The following SHROOM3 variants were observed in gnomAD, a reference collection of about 807,000 sequenced individuals.
The protein encoded by SHROOM3 is shroom family member 3, also known as protein Shroom3.
A neutral mutation model predicts 138.6 loss-of-function variants in SHROOM3; 47 were observed. The ratio of observed to expected loss-of-function variants is 0.34; its 90% confidence interval spans 0.27 to 0.43. The LOEUF is 0.43. SHROOM3 is among the 20% of genes least tolerant of loss of function. The pLI is 1.00. For synonymous variants in SHROOM3, 1,062 were observed against 1,063.3 expected, an observed-to-expected ratio of 1.00 and a Z score of 0.02; for missense variants, 2,491 against 2,596.5, an observed-to-expected ratio of 0.96 and a Z score of 0.88.
At chr4:76,728,742 A>AC (rs1349338426) in intron 3 of SHROOM3, among the ~76,000 whole-genome samples, 2 of 151,526 alleles carry the variant, frequency 1.3e-5, no homozygotes, top group African/African-American at 4.9e-5. Context: ...GCCTATGTTT[A>AC]CCCCCGTGAT....
At chr4:76,487,545 T>G (rs1731758016) in intron 1 of SHROOM3, among the ~76,000 whole-genome samples, 1 of 152,202 alleles carries the variant, frequency 6.6e-6, no homozygotes, top group Non-Finnish European at 1.5e-5. Flanking sequence ...GTCATCTTAT[T>G]AATGGTATAT....
chr4:76,647,968 C>A (rs1234846841), intron 2 of SHROOM3, among the ~76,000 whole-genome samples: 1 of 152,102 alleles, frequency 6.6e-6, no homozygotes, highest in Admixed American at 6.5e-5. Flanking sequence ...TAGTATCTTT[C>A]TTACATATCA....
In SHROOM3 at chr4:76,461,641, T is replaced by G. The variant is rs183606597; in HGVS notation, c.168+25421T>G. Among the ~76,000 whole-genome samples the G allele has an allele frequency of 1.6e-3, 237 of 152,344 alleles. 2 individuals are homozygous for G. The highest frequency in any genetic ancestry group is 2.4e-3 in the Non-Finnish European group (165 of 68,026). ...GAATATGACAGTGCAGGAGTTGACA[T>G]AGTTCTGAGACAGCAGTGTGAAGGT... On this transcript the variant is annotated intron_variant, in intron 1 of 10. Transcript: ENST00000296043.
chr4:76,781,164 T>C lies in SHROOM3; in HGVS notation c.*1987T>C, dbSNP rs1214092554. 2 of 152,210 alleles carry C rather than the reference T, an allele frequency of 1.3e-5. No individual in the cohort carries two copies. The highest frequency in any genetic ancestry group is 4.8e-5 in the African/African-American group (2 of 41,458). The allele number at this position is 152,210 out of a possible 1,614,324, so 9.4% of individuals were successfully genotyped here. A position where few individuals can be genotyped will look rare whatever the true frequency, so the allele number is the denominator to read the frequency against. On this transcript the variant is annotated 3_prime_UTR_variant, in exon 11 of 11. Transcript: ENST00000296043. Reference sequence around the variant, plus strand: ...TTCTTGAGAAAGGGTCTTACTATGTTGCCCAGGCTGGAGTGCAGAGTGGTG... The same window carrying C: ...TTCTTGAGAAAGGGTCTTACTATGTCGCCCAGGCTGGAGTGCAGAGTGGTG...
rs1431100973 is a variant in SHROOM3, at chr4:76,738,877, G to A, written c.704G>A (p.Cys235Tyr). 1 of 1,614,236 alleles carries A rather than the reference G, an allele frequency of 6.2e-7. No individual in the cohort carries two copies. The highest frequency in any genetic ancestry group is 1.6e-4 in the Middle Eastern group (1 of 6,062). ...GAGCCCAGTGGGGCATACCCACCCT[G>A]TCATCTTTCCCCTGCCAAGTCCACC... ...SLEPSGAYPP[C>Y]HLSPAKSTGS... The change falls in exon 5 of 11, where the codon TGT becomes TAT. Residue 235 changes from cysteine (C) to tyrosine (Y), a missense_variant. Physicochemically the swap from Cys to Tyr is radical, Grantham distance 194. Coordinates refer to ENST00000296043, the MANE Select transcript of SHROOM3 (RefSeq NM_020859.4).
chr4:76,738,986 G>A lies in SHROOM3; in HGVS notation c.813G>A (p.Glu271=). 6.2e-7 allele frequency: 1 copy of A among 1,614,176 alleles called. No individual in the cohort carries two copies. Among genetic ancestry groups the A allele is most frequent in the South Asian group, 1.1e-5 (1 of 91,078 alleles). ...TCTCCACCAGTTCTAGCATCCTAGA[G>A]TATCCACACCCTGGCATCTCTGGCC... ...SSFSTSSSIL[E]YPHPGISGRE... Residue 271 remains glutamate, a synonymous_variant, in exon 5 of 11, where the codon GAG becomes GAA. Coordinates refer to ENST00000296043, the MANE Select transcript of SHROOM3 (RefSeq NM_020859.4).
intron 1 of SHROOM3, among the ~76,000 whole-genome samples, chr4:76,497,910 G>A (rs1732002709): frequency 6.6e-6 from 1 of 152,076 alleles, no homozygotes; most frequent in Non-Finnish European, 1.5e-5. Context: ...ATAAAAATCA[G>A]GAAAGAGGTC....
At chr4:76,500,546 T>C (rs1732068385) in intron 1 of SHROOM3, among the ~76,000 whole-genome samples, 1 of 152,158 alleles carries the variant, frequency 6.6e-6, no homozygotes, top group African/African-American at 2.4e-5. Context: ...TTTCCCAAAG[T>C]GGTTATACCA....
chr4:76,521,351 A>T (rs10002311), intron 1 of SHROOM3, among the ~76,000 whole-genome samples: 1 of 152,132 alleles, frequency 6.6e-6, no homozygotes, highest in East Asian at 1.9e-4. Context: ...GACAATTTTC[A>T]GAATTATTTT....
Position 76,739,696 on chromosome 4 carries a change from G to C in SHROOM3, c.1523G>C (p.Cys508Ser), listed in dbSNP as rs775084797. 1 of 1,614,190 alleles carries C rather than the reference G, an allele frequency of 6.2e-7. No homozygotes were observed. Among genetic ancestry groups the C allele is most frequent in the South Asian group, 1.1e-5 (1 of 91,086 alleles). The change falls in exon 5 of 11, where the codon TGC (cysteine) becomes TCC (serine). Residue 508 changes from cysteine to serine, a missense_variant. Cys to Ser is a moderately radical substitution (Grantham distance 112). Coordinates refer to ENST00000296043, the MANE Select transcript of SHROOM3 (RefSeq NM_020859.4). ...ESGYIAPQGA[C>S]NKMATIDENG... Reference sequence around the variant, plus strand: ...GGATACATAGCCCCTCAGGGAGCATGCAACAAGATGGCTACCATTGATGAG... The same window carrying C: ...GGATACATAGCCCCTCAGGGAGCATCCAACAAGATGGCTACCATTGATGAG...
intron 1 of SHROOM3, among the ~76,000 whole-genome samples, chr4:76,544,138 G>A (rs901983602): frequency 2.6e-5 from 4 of 152,100 alleles, no homozygotes; most frequent in East Asian, 1.9e-4. Context: ...ACTATAGTAC[G>A]TTCCAGGTAG....
Position 76,741,695 on chromosome 4 carries a change from C to T in SHROOM3, c.3522C>T (p.Phe1174=). The T allele has an allele frequency of 6.4e-7, 1 of 1,551,292 alleles. No individual in the cohort carries two copies. The highest frequency in any genetic ancestry group is 1.9e-5 in the Admixed American group (1 of 51,710). Residue 1174 remains phenylalanine (F), a synonymous_variant, in exon 5 of 11, where the codon TTC becomes TTT. Coordinates refer to ENST00000296043, the MANE Select transcript of SHROOM3 (RefSeq NM_020859.4). This position sits in a 1 kb window ranked among gnomAD's most constrained non-coding sequence, Gnocchi z 6.2. ...CTCCCCGAGATCGCAGCAGCTCCTT[C>T]GCCGGTGGCCGCCGCCTCGGGGAAC... ...QQAPRDRSSS[F]AGGRRLGERR... is the part of the protein sequence containing the mutation.
At chr4:76,673,350 A>G (rs1718941198) in intron 2 of SHROOM3, among the ~76,000 whole-genome samples, 1 of 152,230 alleles carries the variant, frequency 6.6e-6, no homozygotes. Flanking sequence ...TATATATTAT[A>G]CCAAGGTAAT....
At chr4:76,492,225 C>T (rs542402556) in intron 1 of SHROOM3, among the ~76,000 whole-genome samples, 1 of 152,330 alleles carries the variant, frequency 6.6e-6, no homozygotes, top group South Asian at 2.1e-4. Flanking sequence ...CTTCTTCCCA[C>T]CTTCCTTGAC....
At chr4:76,768,645 G>A (rs1469690815) in intron 9 of SHROOM3, among the ~76,000 whole-genome samples, 1 of 152,000 alleles carries the variant, frequency 6.6e-6, no homozygotes, top group Non-Finnish European at 1.5e-5. Context: ...TAGTAGCTGG[G>A]GATTACAGAC....
rs148525484 is a variant in SHROOM3, at chr4:76,548,116, T to C, written c.169-7493T>C. Among the ~76,000 whole-genome samples the C allele has an allele frequency of 4.0e-3, 602 of 151,692 alleles. 3 individuals are homozygous for C. The highest frequency in any genetic ancestry group is 0.014 in the African/African-American group (581 of 41,330). On this transcript the variant is annotated intron_variant, in intron 1 of 10. Coordinates refer to ENST00000296043, the MANE Select transcript of SHROOM3 (RefSeq NM_020859.4). ...GAGGTAAGGGAAAAAGTCAAATGGT[T>C]CCCTGGGGGAAAAGCATTCCAGGCT...
At chr4:76,633,043 C>T (rs1259422699) in intron 2 of SHROOM3, among the ~76,000 whole-genome samples, 3 of 152,122 alleles carry the variant, frequency 2.0e-5, no homozygotes, top group Non-Finnish European at 1.5e-5. Flanking sequence ...TAAGGTCACA[C>T]GACTATTCTA....
intron 2 of SHROOM3, among the ~76,000 whole-genome samples, chr4:76,706,968 C>T (rs776253546): frequency 2.6e-5 from 4 of 152,056 alleles, no homozygotes; most frequent in East Asian, 1.9e-4. Context: ...TGGATAAGCC[C>T]GGAGAGGATC....
intron 1 of SHROOM3, among the ~76,000 whole-genome samples, chr4:76,546,284 C>G (rs1459524371): frequency 1.3e-5 from 2 of 152,142 alleles, no homozygotes; most frequent in African/African-American, 4.8e-5. Context: ...CAATATACCC[C>G]ATTTACGACC....
Sources: allele counts gnomAD v4.1 joint callset (sites outside exome capture counted in the v4.1 genomes callset), GRCh38; gene constraint gnomAD v4.1.1; non-coding constraint Gnocchi (gnomAD v3.1); transcripts MANE v1.5; gene names NCBI Gene and HGNC (gene_info 2026-07-23, HGNC 2026-07-21).